Variants in TXN2 observed in about 807,000 individuals in gnomAD.
TXN2 encodes thioredoxin 2.
TXN2 carries 12 observed loss-of-function variants against 14.6 expected under a neutral mutation model. That is an observed-to-expected ratio of 0.82 (90% CI 0.53 to 1.33). The LOEUF (loss-of-function observed/expected upper bound fraction) is 1.33, where lower values mean the gene tolerates loss of function less well. Among genes scored for constraint, TXN2 ranks in the 40% most tolerant of loss-of-function variants. The pLI, the probability that TXN2 is intolerant of heterozygous loss-of-function variation, is 0.00. For synonymous variants in TXN2, 89 were observed against 81.0 expected (o/e 1.10, Z -0.53); for missense variants, 173 against 207.7 (o/e 0.83, Z 1.03).
intron 2 of TXN2, 110 bp downstream of exon 2, chr22:36,480,465 T>C (rs770329749): frequency 5.1e-5 from 73 of 1,418,062 alleles, no homozygotes; most frequent in Non-Finnish European, 6.3e-5. Context: ...CCAGTCTGTA[T>C]ATTGAGTCTA....
At chr22:36,467,992 G>C in intron 3 of TXN2, 75 bp from the exon 4 acceptor site, 2 of 1,323,642 alleles carry the variant, frequency 1.5e-6, no homozygotes, top group Admixed American at 3.5e-5. Context: ...GAGCCTTTGT[G>C]GGGAAGGCTG....
intron 3 of TXN2, among the ~76,000 whole-genome samples, chr22:36,469,687 G>A (rs751984297): frequency 3.4e-4 from 52 of 152,208 alleles, no homozygotes; most frequent in Admixed American, 5.9e-4. Context: ...CGGTCGCTGT[G>A]GCTCACGCCT....
Position 36,481,557 on chromosome 22 carries a change from C to A in TXN2, c.-1+7G>T, listed in dbSNP as rs908450064. Reference sequence around the variant, plus strand: ...ACCACCTCGAGCCACCCCCACAGGGCTCCTACCTCCCTGCAATGCGAGCGG... The same window carrying A: ...ACCACCTCGAGCCACCCCCACAGGGATCCTACCTCCCTGCAATGCGAGCGG... On this transcript the variant is annotated splice_region_variant and intron_variant, in intron 1 of 3. Coordinates refer to ENST00000216185, the MANE Select transcript of TXN2 (RefSeq NM_012473.4). 1.8e-5 allele frequency: 18 copies of A among 999,830 alleles called. No individual in the cohort carries two copies. Among genetic ancestry groups the A allele is most frequent in the Non-Finnish European group, 2.0e-5 (17 of 829,704 alleles). The allele number at this position is 999,830 out of a possible 1,614,324, so 61.9% of individuals were successfully genotyped here.
chr22:36,481,459 C>A (rs960208518), intron 1 of TXN2, 105 bp downstream of exon 1: 51 of 414,506 alleles, frequency 1.2e-4, no homozygotes, highest in Non-Finnish European at 1.4e-4. Context: ...GGCTCTCCGG[C>A]GAGCTAGATC....
rs1430110372 is a variant in TXN2, at chr22:36,481,569, T to G, written c.-6A>C. The G allele has an allele frequency of 3.0e-6, 3 of 999,680 alleles. No homozygotes were observed. The highest frequency in any genetic ancestry group is 1.8e-5 in the African/African-American group (1 of 57,052). The allele number at this position is 999,680 out of a possible 1,614,324, so 61.9% of individuals were successfully genotyped here. A position where few individuals can be genotyped will look rare whatever the true frequency, so the allele number is the denominator to read the frequency against. ...CACCCCCACAGGGCTCCTACCTCCCTGCAATGCGAGCGGAGGGATGCACAG... is the reference window on the plus strand; with the variant it reads ...CACCCCCACAGGGCTCCTACCTCCCGGCAATGCGAGCGGAGGGATGCACAG... On this transcript the variant is annotated 5_prime_UTR_variant, in exon 1 of 4. Transcript: ENST00000216185.
intron 2 of TXN2, 30 bp downstream of exon 2, chr22:36,480,545 C>G (rs371095951): frequency 1.0e-5 from 16 of 1,603,398 alleles, no homozygotes; most frequent in Non-Finnish European, 1.2e-5. Flanking sequence ...CAAGTAGGAC[C>G]CTAGTCTTCT....
chr22:36,481,476 C>A, intron 1 of TXN2, 88 bp downstream of exon 1: 1 of 689,358 alleles, frequency 1.5e-6, no homozygotes, highest in Non-Finnish European at 1.8e-6. Flanking sequence ...GATCCCCCCG[C>A]CCGCCCGGCC....
rs377323310 is a variant in TXN2 at position 36,467,771 on chromosome 22, G to A, written c.*33C>T. The stretch of plus-strand genomic sequence containing the variant: ...GGGCTGAGTTCTATTGGGGTCCCAC[G>A]CGGGCAAGGGAACCAGGACTCATCC... On this transcript the variant is annotated 3_prime_UTR_variant, in exon 4 of 4. Coordinates refer to ENST00000216185, the MANE Select transcript of TXN2 (RefSeq NM_012473.4). The A allele has an allele frequency of 1.5e-5, 23 of 1,575,496 alleles. No individual in the cohort carries two copies. Among genetic ancestry groups the A allele is most frequent in the African/African-American group, 8.1e-5 (6 of 74,064 alleles).
intron 3 of TXN2, among the ~76,000 whole-genome samples, chr22:36,468,304 G>A (rs911113224): frequency 2.0e-5 from 3 of 152,222 alleles, no homozygotes; most frequent in Non-Finnish European, 2.9e-5. Context: ...GGGACAGTTC[G>A]AGTCCTGGCT....
At chr22:36,468,207 A>T (rs550248645) in intron 3 of TXN2, among the ~76,000 whole-genome samples, 1 of 152,148 alleles carries the variant, frequency 6.6e-6, no homozygotes, top group African/African-American at 2.4e-5. Context: ...GACAGGAGAG[A>T]TGAAAATAAC....
intron 3 of TXN2, chr22:36,468,571 CA>C: frequency 2.8e-6 from 1 of 357,236 alleles, no homozygotes; most frequent in East Asian, 9.0e-5. Flanking sequence ...TAAACCCCCC[CA>C]AAATATTAGC....
At chr22:36,469,262 G>A (rs754053802) in intron 3 of TXN2, among the ~76,000 whole-genome samples, 3 of 152,184 alleles carry the variant, frequency 2.0e-5, no homozygotes, top group African/African-American at 4.8e-5. Flanking sequence ...CACAGCGCCC[G>A]GCAAATAAGC....
intron 3 of TXN2, among the ~76,000 whole-genome samples, chr22:36,472,477 C>T (rs984159972): frequency 1.3e-5 from 2 of 152,080 alleles, no homozygotes; most frequent in African/African-American, 4.8e-5. Context: ...TAAGTTGTGA[C>T]AAATGGACCA....
rs1421524367 is a variant in TXN2 at position 36,476,917 on chromosome 22, G to A, written c.264-61C>T. 9 of 1,607,758 alleles carry A rather than the reference G, an allele frequency of 5.6e-6. No homozygotes were observed. In the Admixed American group the frequency reaches 6.7e-5, roughly 12 times the overall value. ...AAAGAGCGCTCAGCATCCCCTACTGGCTTCCCAGACCTGCATCTTTCCAAG... is the reference window on the plus strand; with the variant it reads ...AAAGAGCGCTCAGCATCCCCTACTGACTTCCCAGACCTGCATCTTTCCAAG... On this transcript the variant is annotated intron_variant, in intron 2 of 3. Transcript: ENST00000216185.
intron 3 of TXN2, among the ~76,000 whole-genome samples, chr22:36,473,694 G>C (rs1933328385): frequency 1.3e-5 from 2 of 152,190 alleles, no homozygotes; most frequent in South Asian, 4.1e-4. Flanking sequence ...GCAGCCTTGA[G>C]GCCTTTCTGT....
chr22:36,476,835 G>A lies in TXN2; in HGVS notation c.285C>T (p.Ile95=). The A allele has an allele frequency of 6.2e-7, 1 of 1,614,124 alleles. No individual in the cohort carries two copies. The highest frequency in any genetic ancestry group is 8.5e-7 in the Non-Finnish European group (1 of 1,180,032). ...FHAQWCGPCK[I]LGPRLEKMVA... is the part of the protein sequence containing the mutation. ...CCATCTTCTCTAACCTCGGCCCCAG[G>A]ATCTTGCAGGGTCCACACCACCTCA... is the stretch of plus-strand genomic sequence containing the variant. Residue 95 remains isoleucine (I), a synonymous_variant, in exon 3 of 4, where the codon ATC becomes ATT. Coordinates refer to ENST00000216185, the MANE Select transcript of TXN2 (RefSeq NM_012473.4).
intron 3 of TXN2, among the ~76,000 whole-genome samples, chr22:36,475,655 T>C (rs568700975): frequency 6.6e-6 from 1 of 152,312 alleles, no homozygotes; most frequent in South Asian, 2.1e-4. Context: ...ACCAGTCCTT[T>C]AGAGAAAAAG....
At chr22:36,475,540 A>G (rs917466926) in intron 3 of TXN2, among the ~76,000 whole-genome samples, 2 of 152,116 alleles carry the variant, frequency 1.3e-5, no homozygotes, top group African/African-American at 4.8e-5. Context: ...TTATTGTAAC[A>G]CAGCCATGCC....
At chr22:36,474,092 C>T (rs1603488504) in intron 3 of TXN2, among the ~76,000 whole-genome samples, 2 of 152,344 alleles carry the variant, frequency 1.3e-5, no homozygotes, top group East Asian at 3.9e-4. Flanking sequence ...CCCGGGCTCT[C>T]ACCCGAGGCA....
Sources: allele counts gnomAD v4.1 joint callset (sites outside exome capture counted in the v4.1 genomes callset), GRCh38; gene constraint gnomAD v4.1.1; transcripts MANE v1.5; gene names NCBI Gene and HGNC (gene_info 2026-07-23, HGNC 2026-07-21).